Variants in PLD1 observed in about 807,000 individuals in gnomAD.
PLD1 encodes choline phosphatase 1.
Under a neutral mutation model 137.1 loss-of-function variants are expected in PLD1, and 112 were observed. That is an observed-to-expected ratio of 0.82 (90% CI 0.70 to 0.96). PLD1 has a LOEUF of 0.96. Ranked by LOEUF, PLD1 falls within the 40% of genes least tolerant of loss-of-function variation. The pLI, the probability that PLD1 is intolerant of heterozygous loss-of-function variation, is 0.00. For missense variants in PLD1, 1,321 were observed against 1,342.0 expected (o/e 0.98, Z 0.24); for synonymous variants, 431 against 454.7 (o/e 0.95, Z 0.66).
chr3:171,743,733 C>A (rs1435493308), intron 1 of PLD1, among the ~76,000 whole-genome samples: 1 of 152,210 alleles, frequency 6.6e-6, no homozygotes, highest in Non-Finnish European at 1.5e-5. Flanking sequence ...ACTCTCAAGA[C>A]CTTTAAGTGA....
chr3:171,713,494 T>A (rs773052313), intron 9 of PLD1, among the ~76,000 whole-genome samples: 1 of 152,208 alleles, frequency 6.6e-6, no homozygotes, highest in Non-Finnish European at 1.5e-5. Flanking sequence ...AGAAGATATC[T>A]TTCTTAAAAT....
At chr3:171,667,846 G>T (rs1448814764) in intron 19 of PLD1, among the ~76,000 whole-genome samples, 1 of 152,174 alleles carries the variant, frequency 6.6e-6, no homozygotes, top group African/African-American at 2.4e-5. Flanking sequence ...CTGCCTCCCG[G>T]GTTCAAGCAA....
intron 1 of PLD1, among the ~76,000 whole-genome samples, chr3:171,753,025 C>G (rs1331786614): frequency 6.6e-6 from 1 of 152,304 alleles, no homozygotes; most frequent in East Asian, 1.9e-4. Context: ...CTGTTGCACT[C>G]TGCTTGCCCA....
At chr3:171,660,838 C>T (rs997366900) in intron 20 of PLD1, among the ~76,000 whole-genome samples, 6 of 151,972 alleles carry the variant, frequency 3.9e-5, no homozygotes, top group African/African-American at 1.5e-4. Flanking sequence ...GAGCTGCTGA[C>T]CTCAGGTGAT....
At chr3:171,700,340 T>A (rs983317500) in intron 11 of PLD1, among the ~76,000 whole-genome samples, 1,676 of 151,282 alleles carry the variant, frequency 0.011, 30 homozygotes, top group African/African-American at 0.039. Flanking sequence ...ACACACTCTC[T>A]CTCTCTCTCT....
At chr3:171,754,743 A>G (rs750388927) in intron 1 of PLD1, among the ~76,000 whole-genome samples, 1 of 152,236 alleles carries the variant, frequency 6.6e-6, no homozygotes, top group Non-Finnish European at 1.5e-5. Flanking sequence ...TGATGGATGA[A>G]CATAAATATT....
Position 171,662,123 on chromosome 3 carries a change from T to C in PLD1, c.2277A>G (p.Glu759=). Residue 759 remains glutamate (E), a synonymous_variant, in exon 20 of 27, where the codon GAA becomes GAG. Transcript: ENST00000351298. The part of the protein sequence containing the change: ...ADWSAGIKYH[E]ESIHAAYVHV... Reference sequence around the variant, plus strand: ...GGACGTAAGCGGCGTGGATGGACTCTTCATGGTACTTTATACCAGCAGACC... The same window carrying C: ...GGACGTAAGCGGCGTGGATGGACTCCTCATGGTACTTTATACCAGCAGACC... The C allele has an allele frequency of 6.2e-7, 1 of 1,613,764 alleles. No individual in the cohort carries two copies. Among genetic ancestry groups the C allele is most frequent in the African/African-American group, 1.3e-5 (1 of 75,044 alleles).
intron 5 of PLD1, among the ~76,000 whole-genome samples, chr3:171,734,127 C>T (rs1174508756): frequency 1.3e-5 from 2 of 152,142 alleles, no homozygotes; most frequent in Non-Finnish European, 2.9e-5. Flanking sequence ...CATACATGTG[C>T]ACACAGTAAA....
chr3:171,756,538 C>T (rs145236737), intron 1 of PLD1, among the ~76,000 whole-genome samples: 123 of 152,010 alleles, frequency 8.1e-4, no homozygotes, highest in Middle Eastern at 3.4e-3. Context: ...TGTGTGTCGA[C>T]GGTGAGGTTC....
At chr3:171,725,782 TAGAA>T (rs1718459734) in intron 7 of PLD1, among the ~76,000 whole-genome samples, 1 of 152,244 alleles carries the variant, frequency 6.6e-6, no homozygotes, top group Non-Finnish European at 1.5e-5. Context: ...ACTGTTGGGT[TAGAA>T]AGAATCTGTG....
chr3:171,742,365 G>A (rs1719842737), intron 1 of PLD1, among the ~76,000 whole-genome samples: 1 of 152,138 alleles, frequency 6.6e-6, no homozygotes, highest in African/African-American at 2.4e-5. Flanking sequence ...AACTAAGACT[G>A]TAGGCATGTG....
intron 1 of PLD1, among the ~76,000 whole-genome samples, chr3:171,763,006 A>C: frequency 6.6e-6 from 1 of 152,304 alleles, no homozygotes; most frequent in South Asian, 2.1e-4. Context: ...AGCTCATAGT[A>C]AGTGCTTATG....
intron 8 of PLD1, 54 bp downstream of exon 8, chr3:171,724,642 C>G (rs989321406): frequency 1.2e-5 from 12 of 997,032 alleles, no homozygotes; most frequent in African/African-American, 3.2e-5. Flanking sequence ...TAAAACTAGC[C>G]CAAATACCCA....
chr3:171,691,420 A>AC (rs1553822516), intron 13 of PLD1, among the ~76,000 whole-genome samples: 3 of 151,690 alleles, frequency 2.0e-5, no homozygotes, highest in African/African-American at 7.3e-5. Context: ...TGTTTGGTTG[A>AC]TTTTTTGTAG....
At chr3:171,625,596 A>ACC (rs987941060) in intron 23 of PLD1, among the ~76,000 whole-genome samples, 1 of 151,888 alleles carries the variant, frequency 6.6e-6, no homozygotes, top group Non-Finnish European at 1.5e-5. Flanking sequence ...ACTGGGAGGC[A>ACC]CCCCCCCGTA....
At chr3:171,764,721 T>A (rs1168007603) in intron 1 of PLD1, among the ~76,000 whole-genome samples, 1 of 151,576 alleles carries the variant, frequency 6.6e-6, no homozygotes, top group African/African-American at 2.4e-5. Flanking sequence ...CATGTTTGTC[T>A]ACACGGTCTT....
chr3:171,709,492 T>G, intron 10 of PLD1, 68 bp downstream of exon 10: 1 of 1,338,474 alleles, frequency 7.5e-7, no homozygotes, highest in Non-Finnish European at 1.0e-6. Flanking sequence ...TGATTCCAGG[T>G]GAATTTAGGC....
At chr3:171,712,230 G>C (rs968633980) in intron 9 of PLD1, among the ~76,000 whole-genome samples, 27 of 152,142 alleles carry the variant, frequency 1.8e-4, no homozygotes, top group African/African-American at 6.3e-4. Flanking sequence ...TGTGGAGACA[G>C]GGGAGGAGAG....
At chr3:171,707,852 T>C (rs529671939) in intron 11 of PLD1, among the ~76,000 whole-genome samples, 3 of 152,344 alleles carry the variant, frequency 2.0e-5, no homozygotes, top group African/African-American at 4.8e-5. Flanking sequence ...CTTATAATTA[T>C]AGATTCCAGA....
Sources: gnomAD v4.1 joint callset for allele counts (sites outside exome capture counted in the v4.1 genomes callset) on GRCh38, gnomAD v4.1.1 for gene constraint, MANE v1.5 for transcripts, NCBI Gene and HGNC (gene_info 2026-07-23, HGNC 2026-07-21) for gene names.